Variants in PTPN1 observed in about 807,000 individuals in gnomAD.
The protein encoded by PTPN1 is tyrosine-protein phosphatase non-receptor type 1.
In PTPN1, 12 loss-of-function variants were observed where a neutral mutation model predicts 59.9. The observed-to-expected ratio is 0.20, with a 90% CI of 0.13 to 0.32. The LOEUF (loss-of-function observed/expected upper bound fraction) is 0.32. Among genes scored for constraint, PTPN1 ranks in the 10% least tolerant of loss-of-function variants. The pLI, the probability that PTPN1 is intolerant of heterozygous loss-of-function variation, is 1.00. For missense variants in PTPN1, 356 were observed against 549.2 expected (o/e 0.65, Z 3.52); for synonymous variants, 178 against 203.6 (o/e 0.87, Z 1.07).
At chr20:50,534,829 G>A (rs1294395061) in intron 1 of PTPN1, among the ~76,000 whole-genome samples, 2 of 152,058 alleles carry the variant, frequency 1.3e-5, no homozygotes, top group African/African-American at 2.4e-5. Context: ...GGGCTCAAAT[G>A]ATCCTCCCAC....
intron 1 of PTPN1, among the ~76,000 whole-genome samples, chr20:50,518,408 C>T (rs1299530478): frequency 6.6e-6 from 1 of 152,172 alleles, no homozygotes; most frequent in Non-Finnish European, 1.5e-5. Flanking sequence ...TTAGCTTTAA[C>T]TCTCCTTGAT....
At chr20:50,543,959 C>T (rs1180817355) in intron 1 of PTPN1, among the ~76,000 whole-genome samples, 1 of 152,110 alleles carries the variant, frequency 6.6e-6, no homozygotes, top group Admixed American at 6.5e-5. Context: ...AATTCTCCTG[C>T]CTCAGCCTCC....
At chr20:50,525,208 C>T (rs1456262721) in intron 1 of PTPN1, among the ~76,000 whole-genome samples, 8 of 152,204 alleles carry the variant, frequency 5.3e-5, no homozygotes, top group African/African-American at 1.2e-4. Flanking sequence ...TACAGTCACC[C>T]GCCACTACAG....
intron 1 of PTPN1, among the ~76,000 whole-genome samples, chr20:50,524,838 G>A (rs2082567305): frequency 6.6e-6 from 1 of 151,890 alleles, no homozygotes. Flanking sequence ...GCCTCCCAAA[G>A]TGCTGGGATT....
intron 8 of PTPN1, 30 bp downstream of exon 8, chr20:50,579,956 G>T (rs557443946): frequency 1.3e-6 from 2 of 1,589,400 alleles, no homozygotes; most frequent in Middle Eastern, 1.7e-4. Flanking sequence ...GCTTGTTGGG[G>T]TGAGGGGAAA....
At chr20:50,532,732 C>G (rs559773627) in intron 1 of PTPN1, among the ~76,000 whole-genome samples, 19 of 152,030 alleles carry the variant, frequency 1.2e-4, no homozygotes, top group African/African-American at 4.6e-4. Context: ...GTGTGTGTGT[C>G]TGTCTATGTG....
chr20:50,531,499 C>A (rs1415549658), intron 1 of PTPN1, among the ~76,000 whole-genome samples: 1 of 152,180 alleles, frequency 6.6e-6, no homozygotes, highest in Non-Finnish European at 1.5e-5. Context: ...GCCTCAGCCT[C>A]CTTAGTAGCT....
At chr20:50,544,712 T>G (rs2082667279) in intron 1 of PTPN1, among the ~76,000 whole-genome samples, 2 of 152,178 alleles carry the variant, frequency 1.3e-5, no homozygotes, top group South Asian at 4.1e-4. Flanking sequence ...TGCCTTCACA[T>G]TGCCGTACCT....
intron 1 of PTPN1, among the ~76,000 whole-genome samples, chr20:50,558,796 C>T (rs955084324): frequency 6.6e-6 from 1 of 152,156 alleles, no homozygotes; most frequent in Admixed American, 6.5e-5. Flanking sequence ...TCCAATCCAG[C>T]CTGCTCGCTT....
intron 1 of PTPN1, among the ~76,000 whole-genome samples, chr20:50,529,282 G>A (rs868344024): frequency 2.6e-5 from 4 of 152,160 alleles, no homozygotes; most frequent in African/African-American, 9.7e-5. Flanking sequence ...CGTAGGTTTT[G>A]TAGCTGGGAC....
chr20:50,549,539 A>C (rs1601401870), intron 1 of PTPN1, among the ~76,000 whole-genome samples: 1 of 152,168 alleles, frequency 6.6e-6, no homozygotes, highest in Non-Finnish European at 1.5e-5. Flanking sequence ...TGTGGCAGGG[A>C]CAGTTACTTG....
intron 1 of PTPN1, among the ~76,000 whole-genome samples, chr20:50,530,898 C>G (rs543027932): frequency 2.7e-4 from 41 of 152,022 alleles, no homozygotes; most frequent in African/African-American, 9.6e-4. Flanking sequence ...GGGACAGGGT[C>G]TCGCTATTTT....
Position 50,524,127 on chromosome 20 carries a change from G to A in PTPN1, c.63+13537G>A, listed in dbSNP as rs76660546. 3.0e-3 allele frequency among the ~76,000 whole-genome samples: 462 copies of A among 152,146 alleles called. 4 individuals are homozygous for A. The highest frequency in any genetic ancestry group is 8.7e-3 in the African/African-American group (360 of 41,508). On this transcript the variant is annotated intron_variant, in intron 1 of 9. Coordinates refer to ENST00000371621, the MANE Select transcript of PTPN1 (RefSeq NM_002827.4). ...CTCGACTGCCATATGGCCTCTAAACGCTTCCAGAAGGGTAGCCTAGTGGAG... is the reference window on the plus strand; with the variant it reads ...CTCGACTGCCATATGGCCTCTAAACACTTCCAGAAGGGTAGCCTAGTGGAG...
chr20:50,556,229 G>C (rs1248292450), intron 1 of PTPN1, among the ~76,000 whole-genome samples: 2 of 152,044 alleles, frequency 1.3e-5, no homozygotes, highest in Non-Finnish European at 2.9e-5. Flanking sequence ...GCCCAGGCTG[G>C]AGAGGCTAGA....
At position 50,553,373 on chromosome 20, in the gene PTPN1, G is replaced by A. The variant is rs1013319611; in HGVS notation, c.64-7990G>A. ...AAATGGCTAGGATTTGCAGAGCAGG[G>A]TACTAAGGATGAGCAGGCTATGACA... On this transcript the variant is annotated intron_variant, in intron 1 of 9. Transcript: ENST00000371621. Among the ~76,000 whole-genome samples, 13 of 152,308 alleles carry A rather than the reference G, an allele frequency of 8.5e-5. No individual in the cohort carries two copies. In the East Asian group the frequency reaches 2.3e-3, roughly 27 times the overall value.
intron 1 of PTPN1, among the ~76,000 whole-genome samples, chr20:50,517,938 C>G (rs2082536038): frequency 6.6e-6 from 1 of 152,148 alleles, no homozygotes; most frequent in Non-Finnish European, 1.5e-5. Context: ...AAGAAGGAAG[C>G]CTCGGCTGTG....
In PTPN1 at chr20:50,583,006, G is replaced by A. The variant is rs1047894245; in HGVS notation, c.*291G>A. 7.4e-5 allele frequency: 34 copies of A among 460,530 alleles called. No homozygotes were observed. The highest frequency in any genetic ancestry group is 3.0e-4 in the East Asian group (9 of 29,682). 28.5% of individuals were successfully genotyped at this position (460,530 alleles called of 1,614,324 possible). A position where few individuals can be genotyped will look rare whatever the true frequency, so the allele number is the denominator to read the frequency against. On this transcript the variant is annotated 3_prime_UTR_variant, in exon 10 of 10. Transcript: ENST00000371621. ...GCGCAGAGGGAAGGGGCCTACACCCGTCTTGGGGCTCGCCCCACCCAGGGC... is the reference window on the plus strand; with the variant it reads ...GCGCAGAGGGAAGGGGCCTACACCCATCTTGGGGCTCGCCCCACCCAGGGC...
intron 1 of PTPN1, among the ~76,000 whole-genome samples, chr20:50,537,164 A>T (rs934931135): frequency 6.6e-6 from 1 of 152,086 alleles, no homozygotes; most frequent in Non-Finnish European, 1.5e-5. Context: ...CTCTACTAAA[A>T]ATACAAAAAT....
chr20:50,534,015 C>T (rs1478758884), intron 1 of PTPN1, among the ~76,000 whole-genome samples: 1 of 152,190 alleles, frequency 6.6e-6, no homozygotes, highest in Non-Finnish European at 1.5e-5. Context: ...ACTGCAACCT[C>T]CGCCTCCCGA....
Sources: gnomAD v4.1 joint callset for allele counts (sites outside exome capture counted in the v4.1 genomes callset) on GRCh38, gnomAD v4.1.1 for gene constraint, MANE v1.5 for transcripts, NCBI Gene and HGNC (gene_info 2026-07-23, HGNC 2026-07-21) for gene names.